The following HSD17B12 variants were observed in gnomAD, a reference collection of about 807,000 sequenced individuals.
HSD17B12 encodes very-long-chain 3-oxoacyl-CoA reductase.
A neutral mutation model predicts 39.3 loss-of-function variants in HSD17B12; 32 were observed. That is an observed-to-expected ratio of 0.81 (90% confidence interval 0.61 to 1.09). The LOEUF is 1.09. HSD17B12 is among the 50% of genes least tolerant of loss of function. The pLI is 0.00. For synonymous variants in HSD17B12, 150 were observed against 146.7 expected, an observed-to-expected ratio of 1.02 and a Z score of -0.16; for missense variants, 342 against 382.9, an observed-to-expected ratio of 0.89 and a Z score of 0.89.
chr11:43,640,957 T>C, the HSD17B12 span: 355 of 151,838 alleles, frequency 2.3e-3, 3 homozygotes, highest in African/African-American at 8.2e-3. Context: ...TATAGGAAAA[T>C]AGCAAAAATT....
At chr11:43,826,153 G>A (rs974943321) in intron 6 of HSD17B12, among the ~76,000 whole-genome samples, 1 of 143,062 alleles carries the variant, frequency 7.0e-6, no homozygotes, top group Non-Finnish European at 1.5e-5. Flanking sequence ...CGTGATCTCC[G>A]CTCACTGCAA....
intron 3 of HSD17B12, among the ~76,000 whole-genome samples, chr11:43,774,209 G>C (rs1412173197): frequency 6.6e-6 from 1 of 151,814 alleles, no homozygotes; most frequent in East Asian, 1.9e-4. Context: ...TTTTATGTAA[G>C]ACTTTGTAAT....
chr11:43,676,852 T>C (rs1282134628), upstream of HSD17B12, among the ~76,000 whole-genome samples: 1 of 152,088 alleles, frequency 6.6e-6, no homozygotes, highest in Non-Finnish European at 1.5e-5. Flanking sequence ...AACTGTCTTC[T>C]CCCCCTTCCA....
At chr11:43,766,153 A>C (rs897770797) in intron 3 of HSD17B12, among the ~76,000 whole-genome samples, 3 of 152,122 alleles carry the variant, frequency 2.0e-5, no homozygotes, top group Admixed American at 1.3e-4. Flanking sequence ...CTCACTCTCT[A>C]GTTTCTTGAA....
At chr11:43,764,715 C>T (rs2134972509) in intron 3 of HSD17B12, among the ~76,000 whole-genome samples, 1 of 152,228 alleles carries the variant, frequency 6.6e-6, no homozygotes, top group African/African-American at 2.4e-5. Flanking sequence ...CTGAAATCTA[C>T]TTTGATGGAA....
chr11:43,797,300 T>C (rs970808471), intron 3 of HSD17B12, among the ~76,000 whole-genome samples: 6 of 152,226 alleles, frequency 3.9e-5, no homozygotes, highest in African/African-American at 1.2e-4. Context: ...TTCTTTTGAA[T>C]TCTCAGCAAG....
At chr11:43,705,454 A>G (rs1229781546) in intron 1 of HSD17B12, among the ~76,000 whole-genome samples, 1 of 152,102 alleles carries the variant, frequency 6.6e-6, no homozygotes, top group African/African-American at 2.4e-5. Flanking sequence ...AATCTGGGAG[A>G]CTGTGGCCCA....
At chr11:43,792,813 A>G (rs1359270963) in intron 3 of HSD17B12, among the ~76,000 whole-genome samples, 1 of 149,146 alleles carries the variant, frequency 6.7e-6, no homozygotes, top group African/African-American at 2.5e-5. Context: ...GTGCACCACC[A>G]CACCCCACTC....
the HSD17B12 span, among the ~76,000 whole-genome samples, chr11:43,567,622 C>G: frequency 6.6e-6 from 1 of 152,182 alleles, no homozygotes; most frequent in Non-Finnish European, 1.5e-5. Context: ...TTATTCCGCC[C>G]TGCCTTGTGG....
intron 3 of HSD17B12, among the ~76,000 whole-genome samples, chr11:43,790,093 CA>C (rs1950853512): frequency 6.6e-6 from 1 of 152,108 alleles, no homozygotes; most frequent in African/African-American, 2.4e-5. Flanking sequence ...GACTTGCCAT[CA>C]ATTATAAAAC....
chr11:43,701,524 TA>T (rs1949964395), intron 1 of HSD17B12, among the ~76,000 whole-genome samples: 1 of 152,200 alleles, frequency 6.6e-6, no homozygotes, highest in Non-Finnish European at 1.5e-5. Context: ...TGGCAAGAGA[TA>T]GGGGGTCTAG....
the HSD17B12 span, among the ~76,000 whole-genome samples, chr11:43,564,626 T>G: frequency 2.6e-5 from 4 of 152,178 alleles, no homozygotes; most frequent in African/African-American, 7.2e-5. Context: ...GGACCACAAA[T>G]CCCTAACCAG....
chr11:43,685,733 A>T (rs992954888), intron 1 of HSD17B12, among the ~76,000 whole-genome samples: 3 of 152,258 alleles, frequency 2.0e-5, no homozygotes, highest in Non-Finnish European at 1.5e-5. Flanking sequence ...TGATGGGCCT[A>T]CAGACTGGAT....
the HSD17B12 span, among the ~76,000 whole-genome samples, chr11:43,557,299 C>A: frequency 6.6e-6 from 1 of 152,018 alleles, no homozygotes; most frequent in Non-Finnish European, 1.5e-5. Context: ...GCCACTTGGC[C>A]ATATCTTGGA....
chr11:43,611,466 G>A, the HSD17B12 span, among the ~76,000 whole-genome samples: 1 of 152,278 alleles, frequency 6.6e-6, no homozygotes, highest in African/African-American at 2.4e-5. Context: ...TTCTGTAGCA[G>A]CAGACATTAA....
the HSD17B12 span, among the ~76,000 whole-genome samples, chr11:43,589,680 G>A: frequency 2.6e-5 from 4 of 152,064 alleles, no homozygotes; most frequent in African/African-American, 2.4e-5. Flanking sequence ...TATGTCAAAC[G>A]TGGCCTAGAA....
At chr11:43,787,022 ACCT>A (rs1328389281) in intron 3 of HSD17B12, among the ~76,000 whole-genome samples, 2 of 151,812 alleles carry the variant, frequency 1.3e-5, no homozygotes, top group Non-Finnish European at 2.9e-5. Context: ...GCTCACTTCA[ACCT>A]CCTCCTCCTG....
the HSD17B12 span, among the ~76,000 whole-genome samples, chr11:43,619,251 T>A: frequency 1.6e-5 from 2 of 126,040 alleles, no homozygotes; most frequent in African/African-American, 6.5e-5. Context: ...ATAAAATATA[T>A]ATATATATTT....
At chr11:43,782,689 A>AT (rs1950777786) in intron 3 of HSD17B12, among the ~76,000 whole-genome samples, 1 of 152,000 alleles carries the variant, frequency 6.6e-6, no homozygotes, top group Non-Finnish European at 1.5e-5. Context: ...AAAAAAAAAA[A>AT]ATAGGAAAGC....
Sources: gnomAD v4.1 joint callset for allele counts (sites outside exome capture counted in the v4.1 genomes callset) on GRCh38, gnomAD v4.1.1 for gene constraint, MANE v1.5 for transcripts, NCBI Gene and HGNC (gene_info 2026-07-23, HGNC 2026-07-21) for gene names.